Variants in NSF observed in about 807,000 individuals in gnomAD.
NSF encodes the protein vesicle-fusing ATPase.
NSF carries 14 observed loss-of-function variants against 50.3 expected under a neutral mutation model. The ratio of observed to expected loss-of-function variants is 0.28; its 90% CI spans 0.18 to 0.44. NSF has a LOEUF of 0.44. Among genes scored for constraint, NSF ranks in the 20% least tolerant of loss-of-function variants. The pLI is 1.00. For synonymous variants in NSF, 109 were observed against 175.7 expected (o/e 0.62, Z 3.00); for missense variants, 218 against 504.3 (o/e 0.43, Z 5.44).
At chr17:46,736,282 C>G (rs2059003793) in intron 17 of NSF, among the ~76,000 whole-genome samples, 1 of 152,240 alleles carries the variant, frequency 6.6e-6, no homozygotes, top group Admixed American at 6.5e-5. Flanking sequence ...CACTTGTCTT[C>G]AGCCTCCAGG....
In NSF at chr17:46,679,040, C is replaced by G. The variant is rs1037739159; in HGVS notation, c.945+4427C>G. Among the ~76,000 whole-genome samples the G allele has an allele frequency of 1.1e-4, 17 of 151,894 alleles. 1 individual carries two copies. The highest frequency in any genetic ancestry group is 4.1e-4 in the African/African-American group (17 of 41,190). On this transcript the variant is annotated intron_variant, in intron 9 of 20. Coordinates refer to ENST00000398238, the MANE Select transcript of NSF (RefSeq NM_006178.4). ...GAAACCAGATTTCAAAAAACACATA[C>G]TGTGTGATTCCATTTATAGAGAGCT... is the stretch of plus-strand genomic sequence containing the variant.
chr17:46,729,952 C>T (rs760728866), intron 17 of NSF, among the ~76,000 whole-genome samples: 3 of 151,920 alleles, frequency 2.0e-5, no homozygotes, highest in Non-Finnish European at 4.4e-5. Context: ...ATTTTTAAAT[C>T]AGCTTTTCAT....
intron 17 of NSF, among the ~76,000 whole-genome samples, chr17:46,740,660 T>A (rs1027526733): frequency 1.3e-5 from 2 of 151,660 alleles, no homozygotes; most frequent in Non-Finnish European, 2.9e-5. Context: ...CTTTATCTTT[T>A]TCTTTTTTTT....
At chr17:46,746,939 G>A (rs1413978349) in intron 17 of NSF, among the ~76,000 whole-genome samples, 3 of 152,152 alleles carry the variant, frequency 2.0e-5, no homozygotes, top group Admixed American at 6.5e-5. Flanking sequence ...ATTAAATGGC[G>A]AGATACCCAG....
rs1465414064 is a variant in NSF, at chr17:46,622,389, C to T, written c.13-1855C>T. On this transcript the variant is annotated intron_variant, in intron 1 of 20. Transcript: ENST00000398238. ...AGGAGAATGGCGTGAACCCGGGAGG[C>T]GGAGCTTGCAGTAAGCCGATATCGC... 4.7e-5 allele frequency among the ~76,000 whole-genome samples: 7 copies of T among 150,330 alleles called. 1 individual carries two copies. Among genetic ancestry groups the T allele is most frequent in the African/African-American group, 1.2e-4 (5 of 40,174 alleles).
At chr17:46,755,177 C>G in intron 19 of NSF, 137 bp from the exon 20 acceptor site, 1 of 660,822 alleles carries the variant, frequency 1.5e-6, no homozygotes, top group Non-Finnish European at 2.8e-6. Flanking sequence ...GAATGCTGGT[C>G]AAGGAGCAGG....
chr17:46,755,507 G>C, intron 20 of NSF, 138 bp downstream of exon 20: 1 of 798,012 alleles, frequency 1.3e-6, no homozygotes, highest in Non-Finnish European at 2.1e-6. Flanking sequence ...AGGTCCGAGA[G>C]ACCAAGCAAG....
At chr17:46,711,201 A>G in intron 14 of NSF, 82 bp downstream of exon 14, 1 of 1,282,214 alleles carries the variant, frequency 7.8e-7, no homozygotes, top group Non-Finnish European at 1.0e-6. Context: ...ACATTCTAGA[A>G]AAGTGAATTC....
chr17:46,725,605 A>G (rs139555206), intron 15 of NSF, among the ~76,000 whole-genome samples: 1 of 152,314 alleles, frequency 6.6e-6, no homozygotes, highest in African/African-American at 2.4e-5. Flanking sequence ...GGTTAATATC[A>G]TGAGTTTGAC....
At chr17:46,732,504 A>T (rs944797192) in intron 17 of NSF, among the ~76,000 whole-genome samples, 1 of 152,120 alleles carries the variant, frequency 6.6e-6, no homozygotes, top group Non-Finnish European at 1.5e-5. Flanking sequence ...TTTTCTTTGA[A>T]TTTTAAATTT....
intron 19 of NSF, 110 bp from the exon 20 acceptor site, chr17:46,755,204 C>G: frequency 1.3e-6 from 1 of 764,262 alleles, no homozygotes; most frequent in Admixed American, 2.0e-5. Context: ...ATTCAGTGAC[C>G]TAGCAGAGCA....
In NSF at chr17:46,610,064, TTTCC is replaced by T. The variant is rs1568014023; in HGVS notation, c.13-14177_13-14174del. Among the ~76,000 whole-genome samples the T allele has an allele frequency of 1.4e-4, 19 of 135,960 alleles. No individual in the cohort carries two copies. In the East Asian group the frequency reaches 3.7e-3, roughly 26 times the overall value. 89.2% of individuals were successfully genotyped at this position (135,960 alleles called of 152,430 possible). A position where few individuals can be genotyped will look rare whatever the true frequency, so the allele number is the denominator to read the frequency against. On this transcript the variant is annotated intron_variant, in intron 1 of 20. Transcript: ENST00000398238. ...CTCTCTTTCTTTCTTTCTTTCTTTC[TTTCC>T]TTTCTTTCCTTCTTTCTTTCTTTTC...
intron 17 of NSF, among the ~76,000 whole-genome samples, chr17:46,735,692 C>A (rs1310244050): frequency 6.6e-6 from 1 of 152,124 alleles, no homozygotes; most frequent in East Asian, 1.9e-4. Flanking sequence ...TGCCTGTAAT[C>A]CCAGCACTTT....
Position 46,736,655 on chromosome 17 carries a change from G to A in NSF, c.1908+7721G>A, listed in dbSNP as rs1598729192. Among the ~76,000 whole-genome samples, 10 of 152,248 alleles carry A rather than the reference G, an allele frequency of 6.6e-5. 2 individuals are homozygous for A. ...TGTGTATACAATTATTTTTAACTTA[G>A]CAGTATAACTGTCAAAAATTCCTTA... On this transcript the variant is annotated intron_variant, in intron 17 of 20. Transcript: ENST00000398238.
chr17:46,738,126 G>T (rs563776829), intron 17 of NSF, among the ~76,000 whole-genome samples: 23 of 152,050 alleles, frequency 1.5e-4, no homozygotes, highest in Admixed American at 5.2e-4. Context: ...TATAGACAGG[G>T]TTTTGCCATG....
At chr17:46,734,753 A>G (rs1161018636) in intron 17 of NSF, among the ~76,000 whole-genome samples, 1 of 152,186 alleles carries the variant, frequency 6.6e-6, no homozygotes, top group Non-Finnish European at 1.5e-5. Context: ...TTAATTTCAA[A>G]TGTATCAAAA....
intron 17 of NSF, among the ~76,000 whole-genome samples, chr17:46,748,564 G>A (rs1259209675): frequency 6.6e-6 from 1 of 152,172 alleles, no homozygotes; most frequent in East Asian, 1.9e-4. Flanking sequence ...AGCATAGACA[G>A]GGGAATAGAT....
intron 8 of NSF, among the ~76,000 whole-genome samples, chr17:46,661,378 T>TTTATTATGATTA (rs2058299105): frequency 9.4e-6 from 1 of 106,564 alleles, no homozygotes; most frequent in African/African-American, 4.4e-5. Flanking sequence ...TACATTTCTT[T>TTTATTATGATTA]TTATTATTAT....
At chr17:46,715,318 A>G (rs141861427) in intron 15 of NSF, among the ~76,000 whole-genome samples, 67 of 152,302 alleles carry the variant, frequency 4.4e-4, no homozygotes, top group African/African-American at 1.6e-3. Context: ...TGATTTCCCT[A>G]GAGTAGGTAG....
Sources: allele counts gnomAD v4.1 joint callset (sites outside exome capture counted in the v4.1 genomes callset), GRCh38; gene constraint gnomAD v4.1.1; transcripts MANE v1.5; gene names NCBI Gene and HGNC (gene_info 2026-07-23, HGNC 2026-07-21).